The following CAMTA1 variants were observed in gnomAD, a reference collection of about 807,000 sequenced individuals.
CAMTA1 encodes the protein calmodulin binding transcription activator 1.
Under a neutral mutation model 170.9 loss-of-function variants are expected in CAMTA1, and 27 were observed. The ratio of observed to expected loss-of-function variants is 0.16; its 90% confidence interval spans 0.12 to 0.22. The LOEUF is 0.22. Among genes scored for constraint, CAMTA1 ranks in the 10% least tolerant of loss-of-function variants. The pLI, the probability that CAMTA1 is intolerant of heterozygous loss-of-function variation, is 1.00. For synonymous variants in CAMTA1, 833 were observed against 891.5 expected, an observed-to-expected ratio of 0.93 and a Z score of 1.17; for missense variants, 1,619 against 2,217.2, an observed-to-expected ratio of 0.73 and a Z score of 5.42.
rs1553241706 is a variant in CAMTA1 at position 7,668,429 on chromosome 1, A to ACACC, written c.2653-2477_2653-2474dup. ...CACACACACACACACACACACACAC[A>ACACC]CACCCACCACACACCCCAGAGGCGT... On this transcript the variant is annotated intron_variant, in intron 9 of 22. Transcript: ENST00000303635. 6.3e-5 allele frequency among the ~76,000 whole-genome samples: 8 copies of ACACC among 126,656 alleles called. No homozygotes were observed. In the East Asian group the frequency reaches 1.1e-3, roughly 17 times the overall value. The allele number at this position is 126,656 out of a possible 152,430, so 83.1% of individuals were successfully genotyped here. A position where few individuals can be genotyped will look rare whatever the true frequency, so the allele number is the denominator to read the frequency against.
intron 4 of CAMTA1, among the ~76,000 whole-genome samples, chr1:7,230,260 T>C (rs1056835733): frequency 6.6e-6 from 1 of 152,086 alleles, no homozygotes; most frequent in African/African-American, 2.4e-5. Context: ...CCTTAGCAAT[T>C]TGAGAGAGCT....
chr1:7,723,041 G>T (rs547126039), intron 11 of CAMTA1, among the ~76,000 whole-genome samples: 1 of 152,142 alleles, frequency 6.6e-6, no homozygotes, highest in South Asian at 2.1e-4. Context: ...ACATATATAC[G>T]TATATTTCCT....
chr1:7,662,531 T>C (rs77135077), intron 8 of CAMTA1, among the ~76,000 whole-genome samples: 1,645 of 152,194 alleles, frequency 0.011, 26 homozygotes, highest in African/African-American at 0.037. Flanking sequence ...AAGTGACCCT[T>C]ATCAGATGAA....
At chr1:7,108,269 C>G (rs577777635) in intron 4 of CAMTA1, among the ~76,000 whole-genome samples, 1 of 152,124 alleles carries the variant, frequency 6.6e-6, no homozygotes, top group Non-Finnish European at 1.5e-5. Flanking sequence ...ACCTTCTCAC[C>G]GTGCCTCAGT....
chr1:7,668,432 C>CACA (rs34685595), intron 9 of CAMTA1, among the ~76,000 whole-genome samples: 1 of 115,718 alleles, frequency 8.6e-6, no homozygotes, highest in East Asian at 3.6e-4. Context: ...CACACACACA[C>CACA]CCACCACACA....
intron 3 of CAMTA1, among the ~76,000 whole-genome samples, chr1:6,835,293 A>G (rs1652504973): frequency 6.6e-6 from 1 of 152,118 alleles, no homozygotes; most frequent in Admixed American, 6.6e-5. Flanking sequence ...TTCTAGTTGC[A>G]CTCGAGACTC....
At chr1:6,995,356 T>C (rs940868773) in intron 3 of CAMTA1, among the ~76,000 whole-genome samples, 1 of 140,754 alleles carries the variant, frequency 7.1e-6, no homozygotes, top group South Asian at 2.3e-4. Flanking sequence ...GCTGGAGTAG[T>C]GCAGTGACAT....
intron 5 of CAMTA1, among the ~76,000 whole-genome samples, chr1:7,294,558 C>G (rs2149518378): frequency 6.6e-6 from 1 of 152,350 alleles, no homozygotes; most frequent in Non-Finnish European, 1.5e-5. Context: ...TGCTTCAGCC[C>G]TATTCACCCA....
chr1:7,632,967 A>C (rs2095682229), intron 6 of CAMTA1, among the ~76,000 whole-genome samples: 1 of 152,198 alleles, frequency 6.6e-6, no homozygotes, highest in South Asian at 2.1e-4. Flanking sequence ...AAGTGACCTT[A>C]CACATGAGCG....
chr1:7,380,862 C>A (rs1006979193), intron 5 of CAMTA1, among the ~76,000 whole-genome samples: 1 of 152,208 alleles, frequency 6.6e-6, no homozygotes, highest in African/African-American at 2.4e-5. Flanking sequence ...CAGGGTGGCA[C>A]ATGCTTGTGA....
At position 7,256,590 on chromosome 1, in the gene CAMTA1, A is replaced by T. The variant is rs188562330; in HGVS notation, c.438+6964A>T. ...AAAACAAAAGCAAAAACAAAGCAAG[A>T]GCAGCCCTTTCTGTTTGCATCTGCT... On this transcript the variant is annotated intron_variant, in intron 5 of 22. Transcript: ENST00000303635. Among the ~76,000 whole-genome samples the T allele has an allele frequency of 5.1e-3, 782 of 152,302 alleles. 5 individuals carry two copies. Among genetic ancestry groups the T allele is most frequent in the Non-Finnish European group, 8.9e-3 (603 of 68,032 alleles).
intron 4 of CAMTA1, among the ~76,000 whole-genome samples, chr1:7,197,516 C>T (rs1324075994): frequency 6.6e-6 from 1 of 151,826 alleles, no homozygotes; most frequent in Non-Finnish European, 1.5e-5. Context: ...GGGCTCAGAG[C>T]TCCCTGGGAC....
intron 4 of CAMTA1, among the ~76,000 whole-genome samples, chr1:7,197,808 A>G (rs1655848498): frequency 6.6e-6 from 1 of 152,006 alleles, no homozygotes; most frequent in Non-Finnish European, 1.5e-5. Flanking sequence ...ATTTAGCTGG[A>G]AGGTTGCAGA....
At position 7,333,752 on chromosome 1, in the gene CAMTA1, G is replaced by T. The variant is rs1375962991; in HGVS notation, c.438+84126G>T. 6.6e-6 allele frequency among the ~76,000 whole-genome samples: 1 copy of T among 152,202 alleles called. No individual in the cohort carries two copies. Among genetic ancestry groups the T allele is most frequent in the East Asian group, 1.9e-4 (1 of 5,192 alleles). On this transcript the variant is annotated intron_variant, in intron 5 of 22. Transcript: ENST00000303635. The surrounding 1 kb of genome is among the most constrained non-coding windows in gnomAD (Gnocchi z 4.4). The stretch of plus-strand genomic sequence containing the variant: ...TGGTGTATTTACATACCACGGACTA[G>T]GTTTAAAAATCAACTTTAGATTTGC...
chr1:7,395,477 G>T (rs1023707063), intron 5 of CAMTA1, among the ~76,000 whole-genome samples: 1 of 152,014 alleles, frequency 6.6e-6, no homozygotes, highest in African/African-American at 2.4e-5. Context: ...TTATAGCTTT[G>T]TTGTATATTT....
chr1:7,016,428 T>C (rs1189445733), intron 3 of CAMTA1, among the ~76,000 whole-genome samples: 1 of 152,212 alleles, frequency 6.6e-6, no homozygotes, highest in African/African-American at 2.4e-5. Flanking sequence ...GTCGAATGGG[T>C]GAATGAATGG....
chr1:6,958,355 G>A (rs1689814397), intron 3 of CAMTA1, among the ~76,000 whole-genome samples: 1 of 152,170 alleles, frequency 6.6e-6, no homozygotes, highest in Admixed American at 6.5e-5. Flanking sequence ...CACCATTCTG[G>A]GATTGCAGAG....
In CAMTA1 at chr1:7,738,578, C is replaced by A; in HGVS notation, c.4182+96C>A. On this transcript the variant is annotated intron_variant, in intron 16 of 22. Coordinates refer to ENST00000303635, the MANE Select transcript of CAMTA1 (RefSeq NM_015215.4). This position sits in a 1 kb window ranked among gnomAD's most constrained non-coding sequence, Gnocchi z 4.9. ...TTCCGAAGGTTGTGTCATTTTCCTCCCCGTGAAGCCTTCGAAGTTGGCTTT... is the reference window on the plus strand; with the variant it reads ...TTCCGAAGGTTGTGTCATTTTCCTCACCGTGAAGCCTTCGAAGTTGGCTTT... The A allele has an allele frequency of 7.4e-7, 1 of 1,359,526 alleles. No homozygotes were observed. The highest frequency in any genetic ancestry group is 9.9e-7 in the Non-Finnish European group (1 of 1,008,066). The allele number at this position is 1,359,526 out of a possible 1,614,324, so 84.2% of individuals were successfully genotyped here.
At chr1:6,866,734 CTA>C (rs1666703198) in intron 3 of CAMTA1, among the ~76,000 whole-genome samples, 1 of 152,126 alleles carries the variant, frequency 6.6e-6, no homozygotes, top group Non-Finnish European at 1.5e-5. Flanking sequence ...TTTAGCGAAA[CTA>C]TGTCAGACTG....
Sources: gnomAD v4.1 joint callset for allele counts (sites outside exome capture counted in the v4.1 genomes callset) on GRCh38, gnomAD v4.1.1 for gene constraint, Gnocchi (gnomAD v3.1) non-coding constraint, MANE v1.5 for transcripts, NCBI Gene and HGNC (gene_info 2026-07-23, HGNC 2026-07-21) for gene names.